RIPOR2: variants seen among roughly 807,000 people sequenced by gnomAD.
The protein encoded by RIPOR2 is RHO family interacting cell polarization regulator 2.
Under a neutral mutation model 114.5 loss-of-function variants are expected in RIPOR2, and 39 were observed. The observed-to-expected ratio is 0.34, with a 90% confidence interval of 0.26 to 0.44. The LOEUF is 0.44. Ranked by LOEUF, RIPOR2 falls within the 20% of genes least tolerant of loss-of-function variation. RIPOR2 has a pLI of 1.00. For missense variants in RIPOR2, 1,007 were observed against 1,255.1 expected (o/e 0.80, Z 2.99); for synonymous variants, 445 against 484.4 (o/e 0.92, Z 1.07).
intron 13 of RIPOR2, 62 bp downstream of exon 13, chr6:24,842,800 A>G: frequency 1.0e-6 from 1 of 957,050 alleles, no homozygotes; most frequent in South Asian, 3.6e-5. Flanking sequence ...CATCTTAAAT[A>G]GAATGTTGGC....
chr6:24,933,408 G>A (rs141559869), intron 1 of RIPOR2, among the ~76,000 whole-genome samples: 15 of 152,312 alleles, frequency 9.8e-5, no homozygotes, highest in African/African-American at 3.4e-4. Context: ...GCAAAGCCTA[G>A]ACCGTGCAAT....
At chr6:24,899,189 C>T (rs1046557006) in intron 1 of RIPOR2, among the ~76,000 whole-genome samples, 4 of 151,872 alleles carry the variant, frequency 2.6e-5, no homozygotes, top group African/African-American at 4.8e-5. Flanking sequence ...TGATCATTAC[C>T]GTAAATCTCC....
At chr6:24,913,515 A>C (rs1210166191) in intron 1 of RIPOR2, among the ~76,000 whole-genome samples, 1 of 152,160 alleles carries the variant, frequency 6.6e-6, no homozygotes, top group Non-Finnish European at 1.5e-5. Flanking sequence ...TACATGTGTG[A>C]CTGAGGGACC....
chr6:24,872,918 G>A lies in RIPOR2; in HGVS notation c.386C>T (p.Thr129Ile), dbSNP rs1336254030. The change falls in exon 4 of 22, where the codon ACA becomes ATA. Residue 129 changes from threonine (T) to isoleucine (I), a missense_variant. Transcript: ENST00000643898. The part of the protein sequence containing the change: ...EVHQTELDKL[T>I]AQLKDMKRNS... ...TCTTTTCATATCTTTTAACTGAGCT[G>A]TCAACTTGTCCAGCTCCGTCTGGTG... 2.5e-6 allele frequency: 4 copies of A among 1,612,320 alleles called. No individual in the cohort carries two copies. Among genetic ancestry groups the A allele is most frequent in the Non-Finnish European group, 3.4e-6 (4 of 1,178,808 alleles).
chr6:24,875,544 A>G (rs1765635247), intron 2 of RIPOR2, 147 bp downstream of exon 2: 1 of 715,974 alleles, frequency 1.4e-6, no homozygotes, highest in African/African-American at 1.8e-5. Context: ...CTTAATTTTT[A>G]GTACATCCTT....
chr6:24,993,991 T>C (rs192004035), intron 1 of RIPOR2, among the ~76,000 whole-genome samples: 391 of 152,354 alleles, frequency 2.6e-3, no homozygotes, highest in Non-Finnish European at 4.6e-3. Context: ...GAGCCCAAGA[T>C]AAGAGTTGAT....
rs143018051 is a variant in RIPOR2, at chr6:25,007,419, A to G, written c.76+34432T>C. Among the ~76,000 whole-genome samples the G allele has an allele frequency of 6.2e-3, 942 of 152,296 alleles. 5 individuals carry two copies. Among genetic ancestry groups the G allele is most frequent in the Admixed American group, 0.01 (154 of 15,298 alleles). On this transcript the variant is annotated intron_variant, in intron 1 of 13. Coordinates refer to the RIPOR2 transcript ENST00000510784. ...CTGCCTGCTCCACCACGGGCGCTCA[A>G]TACTATGACAAATCCTCACTTGGTC...
intron 1 of RIPOR2, among the ~76,000 whole-genome samples, chr6:24,982,019 T>G (rs1370558088): frequency 6.6e-6 from 1 of 152,230 alleles, no homozygotes; most frequent in Non-Finnish European, 1.5e-5. Flanking sequence ...TTTTGCCTTA[T>G]GAGGAATGGA....
At chr6:24,864,167 G>A (rs1022342737) in intron 7 of RIPOR2, among the ~76,000 whole-genome samples, 11 of 152,034 alleles carry the variant, frequency 7.2e-5, no homozygotes, top group Admixed American at 7.2e-4. Context: ...AGCCGGGTGT[G>A]GTGGCACACA....
chr6:24,823,128 G>T (rs1286452472), intron 19 of RIPOR2, among the ~76,000 whole-genome samples: 2 of 152,184 alleles, frequency 1.3e-5, no homozygotes, highest in Non-Finnish European at 2.9e-5. Flanking sequence ...CTTTTATTTT[G>T]TCTCAATAGC....
chr6:24,914,689 G>C (rs945146258), intron 1 of RIPOR2, among the ~76,000 whole-genome samples: 8 of 152,172 alleles, frequency 5.3e-5, no homozygotes, highest in African/African-American at 1.7e-4. Flanking sequence ...TGTGGTTGAA[G>C]AACGGACTCA....
chr6:24,807,150 C>A (rs1421008452), intron 21 of RIPOR2, among the ~76,000 whole-genome samples: 1 of 152,126 alleles, frequency 6.6e-6, no homozygotes, highest in Non-Finnish European at 1.5e-5. Flanking sequence ...GCAAGTGAGA[C>A]AAAGATGGAA....
chr6:24,907,379 C>T (rs1029014891), intron 1 of RIPOR2, among the ~76,000 whole-genome samples: 1 of 152,276 alleles, frequency 6.6e-6, no homozygotes, highest in African/African-American at 2.4e-5. Flanking sequence ...ATAGTGTTCC[C>T]GGTTTCCTTA....
rs373238039 is a variant in RIPOR2 at position 24,847,570 on chromosome 6, G to A, written c.1164+455C>T. 4.9e-5 allele frequency: 76 copies of A among 1,551,518 alleles called. No individual in the cohort carries two copies. The highest frequency in any genetic ancestry group is 6.3e-5 in the Non-Finnish European group (72 of 1,146,974). ...GAGCTCTAGCACGGCCTTGGGACTC[G>A]GCCTGAGGGAGGGCAGGTCACTGAA... On this transcript the variant is annotated intron_variant, in intron 12 of 21. Coordinates refer to ENST00000643898, the MANE Select transcript of RIPOR2 (RefSeq NM_001286445.3).
intron 1 of RIPOR2, among the ~76,000 whole-genome samples, chr6:25,038,749 T>C (rs1777355348): frequency 6.6e-6 from 1 of 152,242 alleles, no homozygotes; most frequent in South Asian, 2.1e-4. Flanking sequence ...AGCTAATTCA[T>C]GCCCATGGAA....
rs869301317 is a variant in RIPOR2 at position 25,015,896 on chromosome 6, G to GTTTTTTTTTTTTTTTTTTTTTTTTTTTTT, written c.76+25954_76+25955insAAAAAAAAAAAAAAAAAAAAAAAAAAAAA. 4.4e-5 allele frequency: 2 copies of GTTTTTTTTTTTTTTTTTTTTTTTTTTTTT among 45,836 alleles called. 1 individual carries two copies. The allele number at this position is 45,836 out of a possible 1,614,324, so 2.8% of individuals were successfully genotyped here. Reference sequence around the variant, plus strand: ...TCCCCTTAAAAACGCAGGTTTTTTGGTTTTTTTTTTTTTTTTTTTTTTTTT... The same window carrying GTTTTTTTTTTTTTTTTTTTTTTTTTTTTT: ...TCCCCTTAAAAACGCAGGTTTTTTGGTTTTTTTTTTTTTTTTTTTTTTTTTTTTTTTTTTTTTTTTTTTTTTTTTTTTTT... On this transcript the variant is annotated intron_variant, in intron 1 of 13. Transcript: ENST00000510784.
intron 10 of RIPOR2, among the ~76,000 whole-genome samples, chr6:24,850,179 C>A (rs1039458894): frequency 2.0e-5 from 3 of 151,542 alleles, no homozygotes; most frequent in South Asian, 4.2e-4. Flanking sequence ...TAATTGCAGC[C>A]TTGACCTCCT....
At chr6:24,838,520 A>C (rs981111366) in intron 14 of RIPOR2, among the ~76,000 whole-genome samples, 7 of 152,104 alleles carry the variant, frequency 4.6e-5, no homozygotes, top group Non-Finnish European at 1.0e-4. Flanking sequence ...GGCTGGGCAT[A>C]GTGGCTCACA....
chr6:24,969,188 T>C (rs528759724), intron 1 of RIPOR2, among the ~76,000 whole-genome samples: 1 of 152,302 alleles, frequency 6.6e-6, no homozygotes, highest in Admixed American at 6.5e-5. Flanking sequence ...GGAATTTGCA[T>C]TTTGTATGTG....
Sources: gnomAD v4.1 joint callset for allele counts (sites outside exome capture counted in the v4.1 genomes callset) on GRCh38, gnomAD v4.1.1 for gene constraint, MANE v1.5 for transcripts, NCBI Gene and HGNC (gene_info 2026-07-23, HGNC 2026-07-21) for gene names.